Variants in DMD observed in about 807,000 individuals in gnomAD.
DMD encodes dystrophin.
Under a neutral mutation model 330.1 loss-of-function variants are expected in DMD, and 63 were observed. That is an observed-to-expected ratio of 0.19 (90% CI 0.16 to 0.24). DMD has a LOEUF of 0.24. Ranked by LOEUF, DMD falls within the 10% of genes least tolerant of loss-of-function variation. DMD has a pLI of 1.00. For missense variants in DMD, 3,344 were observed against 2,684.1 expected, an observed-to-expected ratio of 1.25 and a Z score of -5.43; for synonymous variants, 1,223 against 959.8, an observed-to-expected ratio of 1.27 and a Z score of -5.07.
At chrX:32,469,600 A>G (rs940216930) in intron 22 of DMD, among the ~76,000 whole-genome samples, 1 of 110,848 alleles carries the variant, frequency 9.0e-6, no homozygotes, top group African/African-American at 3.3e-5. Context: ...TACTTTTTTA[A>G]GTTTATTTCA....
Position 32,683,283 on chromosome X carries a change from A to C in DMD, c.960+14587T>G, listed in dbSNP as rs766933321. Among the ~76,000 whole-genome samples the C allele has an allele frequency of 6.7e-3, 739 of 110,845 alleles. 14 individuals are homozygous for C. The highest frequency in any genetic ancestry group is 0.022 in the African/African-American group (680 of 30,449). ...AGAAATACCACTTGACCCAGCCATC[A>C]CATTACTGGGTATATACCCAAAGGA... On this transcript the variant is annotated intron_variant, in intron 9 of 78. Transcript: ENST00000357033.
At position 32,855,643 on chromosome X, in the gene DMD, C is replaced by G. The variant is rs192817964; in HGVS notation, c.94-5823G>C. On this transcript the variant is annotated intron_variant, in intron 2 of 78. Transcript: ENST00000357033. ...AGAATGAAATTAGACCCTTATCTCT[C>G]GCCATATACAAAAGTATCAATCTAA... is the stretch of plus-strand genomic sequence containing the variant. Among the ~76,000 whole-genome samples the G allele has an allele frequency of 9.7e-3, 1,089 of 111,809 alleles. 13 individuals carry two copies. The highest frequency in any genetic ancestry group is 0.033 in the African/African-American group (1,017 of 30,737).
chrX:32,517,064 C>T (rs938786368), intron 18 of DMD: 4 of 110,780 alleles, frequency 3.6e-5, no homozygotes, highest in African/African-American at 1.3e-4. Flanking sequence ...AAGTTCCAAC[C>T]CCAACAGCAA....
intron 2 of DMD, among the ~76,000 whole-genome samples, chrX:32,861,395 A>C (rs1024206166): frequency 9.4e-6 from 1 of 106,676 alleles, no homozygotes; most frequent in Admixed American, 9.7e-5. Flanking sequence ...AAAAACATTA[A>C]ATAAATTACA....
At chrX:33,331,550 C>T (rs1431912616) in intron 1 of DMD, among the ~76,000 whole-genome samples, 1 of 111,700 alleles carries the variant, frequency 9.0e-6, no homozygotes, top group Non-Finnish European at 1.9e-5. Flanking sequence ...CTGAATGATG[C>T]TGATAAGTTT....
At chrX:32,720,293 C>A (rs1922098110) in intron 7 of DMD, among the ~76,000 whole-genome samples, 1 of 111,399 alleles carries the variant, frequency 9.0e-6, no homozygotes, top group African/African-American at 3.3e-5. Context: ...AAGACTGGCT[C>A]ATTTTGCACC....
At chrX:32,558,823 G>C (rs2050617686) in intron 16 of DMD, among the ~76,000 whole-genome samples, 1 of 109,818 alleles carries the variant, frequency 9.1e-6, no homozygotes, top group African/African-American at 3.3e-5. Context: ...GCATTTACAA[G>C]GTAAAACCTA....
chrX:31,179,178 T>C (rs2040885050), intron 69 of DMD, among the ~76,000 whole-genome samples: 1 of 112,748 alleles, frequency 8.9e-6, no homozygotes. Context: ...TAAAAACTAC[T>C]TAGTACAAAA....
At chrX:31,355,432 G>GT (rs1196701497) in intron 60 of DMD, among the ~76,000 whole-genome samples, 1 of 111,983 alleles carries the variant, frequency 8.9e-6, no homozygotes, top group Non-Finnish European at 1.9e-5. Flanking sequence ...TGATTTTCTG[G>GT]TTCTCAGTTT....
intron 55 of DMD, among the ~76,000 whole-genome samples, chrX:31,519,707 T>C (rs1157078222): frequency 1.8e-5 from 2 of 112,302 alleles, no homozygotes. Context: ...CTGTATTCAT[T>C]TGTGGGTACT....
intron 9 of DMD, among the ~76,000 whole-genome samples, chrX:32,649,642 G>C (rs183322175): frequency 6.6e-4 from 70 of 105,565 alleles, no homozygotes; most frequent in African/African-American, 2.4e-3. Context: ...GACTGTTTTA[G>C]TCCAGCAATG....
chrX:31,728,461 G>T (rs1221198474), intron 52 of DMD, among the ~76,000 whole-genome samples: 1 of 112,140 alleles, frequency 8.9e-6, no homozygotes, highest in Non-Finnish European at 1.9e-5. Context: ...ACCATCTAAT[G>T]CTTATGAGGT....
At chrX:32,775,647 C>A (rs1239386197) in intron 7 of DMD, among the ~76,000 whole-genome samples, 2 of 113,033 alleles carry the variant, frequency 1.8e-5, no homozygotes, top group African/African-American at 6.4e-5. Context: ...AGCCAGGTCC[C>A]AAGGCTGCAC....
intron 57 of DMD, among the ~76,000 whole-genome samples, chrX:31,484,411 CTGAATCCCT>C (rs1041903061): frequency 9.0e-6 from 1 of 111,646 alleles, no homozygotes; most frequent in African/African-American, 3.3e-5. Flanking sequence ...TAATTACTTC[CTGAATCCCT>C]TGAACAGATA....
At chrX:32,029,262 A>G (rs948512298) in intron 44 of DMD, among the ~76,000 whole-genome samples, 18 of 111,720 alleles carry the variant, frequency 1.6e-4, no homozygotes, top group African/African-American at 5.5e-4. Context: ...AACCTGACCG[A>G]CCTCATGCAA....
At chrX:31,878,530 T>C (rs1262159547) in intron 47 of DMD, among the ~76,000 whole-genome samples, 1 of 111,610 alleles carries the variant, frequency 9.0e-6, no homozygotes, top group African/African-American at 3.3e-5. Context: ...CTGGACTATA[T>C]AAAAAATCAA....
At chrX:33,232,748 C>T (rs907484662) in intron 1 of DMD, among the ~76,000 whole-genome samples, 2 of 110,832 alleles carry the variant, frequency 1.8e-5, no homozygotes, top group African/African-American at 3.3e-5. Context: ...AAAAATTAGC[C>T]GAGCATGGTG....
At chrX:31,501,262 A>G (rs1039063204) in intron 56 of DMD, among the ~76,000 whole-genome samples, 16 of 112,267 alleles carry the variant, frequency 1.4e-4, no homozygotes, top group African/African-American at 4.5e-4. Flanking sequence ...CTGAACTTCT[A>G]ATTCTGAGTA....
intron 12 of DMD, among the ~76,000 whole-genome samples, chrX:32,598,945 G>T (rs146379857): frequency 2.7e-5 from 3 of 111,899 alleles, no homozygotes; most frequent in African/African-American, 9.7e-5. Context: ...TAAGAACGTT[G>T]AAGAGTCCAG....
Sources: gnomAD v4.1 joint callset for allele counts (sites outside exome capture counted in the v4.1 genomes callset) on GRCh38, gnomAD v4.1.1 for gene constraint, MANE v1.5 for transcripts, NCBI Gene and HGNC (gene_info 2026-07-23, HGNC 2026-07-21) for gene names.